Variants in DPP10 observed in about 807,000 individuals in gnomAD.
DPP10 encodes the protein dipeptidyl peptidase like 10.
In DPP10, 33 loss-of-function variants were observed where a neutral mutation model predicts 120.9. The ratio of observed to expected loss-of-function variants is 0.27; its 90% CI spans 0.21 to 0.37. DPP10 has a LOEUF of 0.37. DPP10 is among the 10% of genes least tolerant of loss of function. The pLI is 1.00. For synonymous variants in DPP10, 337 were observed against 326.1 expected, an observed-to-expected ratio of 1.03 and a Z score of -0.36; for missense variants, 816 against 942.8, an observed-to-expected ratio of 0.87 and a Z score of 1.76.
intron 3 of DPP10, among the ~76,000 whole-genome samples, chr2:115,399,639 A>G (rs1176021548): frequency 6.6e-6 from 1 of 152,142 alleles, no homozygotes; most frequent in Non-Finnish European, 1.5e-5. Flanking sequence ...TGGACTTTGT[A>G]ATATATTAAT....
At chr2:114,537,953 T>C (rs1558858985) in intron 1 of DPP10, among the ~76,000 whole-genome samples, 1 of 152,226 alleles carries the variant, frequency 6.6e-6, no homozygotes, top group Non-Finnish European at 1.5e-5. Context: ...TTCGCAGATT[T>C]GCCTGGCAGT....
At chr2:115,073,224 A>T (rs1037340229) in intron 1 of DPP10, among the ~76,000 whole-genome samples, 7 of 152,266 alleles carry the variant, frequency 4.6e-5, no homozygotes, top group African/African-American at 1.4e-4. Flanking sequence ...AAAAGAATAC[A>T]TTCCGAAGAA....
intron 1 of DPP10, among the ~76,000 whole-genome samples, chr2:115,138,231 A>G (rs1405990695): frequency 6.6e-6 from 1 of 152,140 alleles, no homozygotes; most frequent in Non-Finnish European, 1.5e-5. Flanking sequence ...CTGCATTTTA[A>G]TCTGGGACAG....
At chr2:115,562,171 G>A (rs925017660) in intron 5 of DPP10, among the ~76,000 whole-genome samples, 1 of 152,108 alleles carries the variant, frequency 6.6e-6, no homozygotes, top group Non-Finnish European at 1.5e-5. Context: ...AAAGTCATCG[G>A]GCTGTACAAA....
At chr2:114,602,818 G>A (rs1692478744) in intron 1 of DPP10, among the ~76,000 whole-genome samples, 1 of 152,046 alleles carries the variant, frequency 6.6e-6, no homozygotes, top group Non-Finnish European at 1.5e-5. Context: ...CAACAACTGG[G>A]TGGTTTTTAT....
At chr2:115,489,335 G>A (rs2075965754) in intron 3 of DPP10, among the ~76,000 whole-genome samples, 2 of 151,364 alleles carry the variant, frequency 1.3e-5, no homozygotes, top group Admixed American at 6.6e-5. Context: ...AAACCCTAAG[G>A]CCCCCAACAG....
At chr2:114,814,218 A>G (rs971466362) in intron 1 of DPP10, among the ~76,000 whole-genome samples, 4 of 152,210 alleles carry the variant, frequency 2.6e-5, no homozygotes, top group African/African-American at 9.6e-5. Flanking sequence ...TTGGAATGGT[A>G]GTAACTTCCA....
chr2:114,666,909 GTTAC>G (rs900894853), intron 1 of DPP10, among the ~76,000 whole-genome samples: 62 of 152,150 alleles, frequency 4.1e-4, no homozygotes, highest in African/African-American at 1.4e-3. Context: ...AACATGACTA[GTTAC>G]TTTTTACTTT....
chr2:115,421,787 C>T (rs1425200558), intron 3 of DPP10, among the ~76,000 whole-genome samples: 1 of 139,988 alleles, frequency 7.1e-6, no homozygotes, highest in Non-Finnish European at 1.5e-5. Flanking sequence ...AGGAGAATCG[C>T]TTGAACCCGG....
intron 3 of DPP10, among the ~76,000 whole-genome samples, chr2:115,475,952 G>C (rs573402900): frequency 6.6e-6 from 1 of 152,218 alleles, no homozygotes; most frequent in African/African-American, 2.4e-5. Flanking sequence ...ACTTGTTTTT[G>C]ATTTTACAAG....
In DPP10 at chr2:114,836,596, G is replaced by A. The variant is rs1158330391; in HGVS notation, c.60+393758G>A. ...GGCGAGATCACAGGACCACAGGACT[G>A]GGGCGAAATTTAAATTGCTAATGAA... On this transcript the variant is annotated intron_variant, in intron 1 of 25. Transcript: ENST00000410059. Among the ~76,000 whole-genome samples the A allele has an allele frequency of 3.3e-5, 5 of 152,278 alleles. No homozygotes were observed. The East Asian group carries it at 9.7e-4, about 29-fold the overall frequency.
chr2:114,480,261 C>G (rs972225843), intron 1 of DPP10, among the ~76,000 whole-genome samples: 2 of 151,574 alleles, frequency 1.3e-5, no homozygotes, highest in South Asian at 2.1e-4. Context: ...GTTAGTGGGA[C>G]TGTAAACTAG....
chr2:115,476,186 A>G (rs2075064702), intron 3 of DPP10, among the ~76,000 whole-genome samples: 1 of 152,116 alleles, frequency 6.6e-6, no homozygotes, highest in Non-Finnish European at 1.5e-5. Flanking sequence ...CTAAAGCCTG[A>G]TTTGAGGTGA....
intron 1 of DPP10, among the ~76,000 whole-genome samples, chr2:114,693,290 C>T (rs1699878654): frequency 2.6e-5 from 4 of 151,938 alleles, no homozygotes; most frequent in South Asian, 2.1e-4. Context: ...CAAATTCCCT[C>T]AGGATTTGCT....
At chr2:115,367,037 G>C (rs148345067) in intron 3 of DPP10, among the ~76,000 whole-genome samples, 1 of 151,946 alleles carries the variant, frequency 6.6e-6, no homozygotes, top group Non-Finnish European at 1.5e-5. Flanking sequence ...GCAATTTGAC[G>C]TCCCTAATAG....
chr2:115,188,768 T>C (rs1160719796), intron 1 of DPP10, among the ~76,000 whole-genome samples: 1 of 152,134 alleles, frequency 6.6e-6, no homozygotes, highest in East Asian at 1.9e-4. Flanking sequence ...TAAAATTATA[T>C]ATACTTTTAC....
intron 1 of DPP10, among the ~76,000 whole-genome samples, chr2:114,594,442 A>G (rs1282570190): frequency 1.3e-5 from 2 of 148,350 alleles, no homozygotes; most frequent in Non-Finnish European, 3.0e-5. Flanking sequence ...AAGGGAGCTT[A>G]TATGTGAACA....
chr2:115,401,779 A>T (rs1414465536), intron 3 of DPP10, among the ~76,000 whole-genome samples: 1 of 152,136 alleles, frequency 6.6e-6, no homozygotes, highest in Non-Finnish European at 1.5e-5. Context: ...TAATATATTA[A>T]ATTTTCAACC....
At chr2:115,265,885 A>G (rs909114474) in intron 1 of DPP10, among the ~76,000 whole-genome samples, 18 of 151,750 alleles carry the variant, frequency 1.2e-4, no homozygotes, top group Non-Finnish European at 2.1e-4. Context: ...TTGAGACTGC[A>G]GTGAGCTCAG....
Sources: gnomAD v4.1 joint callset for allele counts (sites outside exome capture counted in the v4.1 genomes callset) on GRCh38, gnomAD v4.1.1 for gene constraint, MANE v1.5 for transcripts, NCBI Gene and HGNC (gene_info 2026-07-23, HGNC 2026-07-21) for gene names.